Variants in EEFSEC observed in about 807,000 individuals in gnomAD.
The protein encoded by EEFSEC is eukaryotic elongation factor, selenocysteine-tRNA specific.
A neutral mutation model predicts 42.1 loss-of-function variants in EEFSEC; 43 were observed. The ratio of observed to expected loss-of-function variants is 1.02; its 90% CI spans 0.80 to 1.32. EEFSEC has a LOEUF of 1.32. EEFSEC is among the 40% of genes most tolerant of loss of function. EEFSEC has a pLI of 0.00. For missense variants in EEFSEC, 745 were observed against 803.6 expected, an observed-to-expected ratio of 0.93 and a Z score of 0.88; for synonymous variants, 354 against 339.1, an observed-to-expected ratio of 1.04 and a Z score of -0.48.
At chr3:128,200,969 G>T (rs886071689) in intron 1 of EEFSEC, among the ~76,000 whole-genome samples, 2 of 152,172 alleles carry the variant, frequency 1.3e-5, no homozygotes, top group Non-Finnish European at 2.9e-5. Flanking sequence ...TTAACTGCTG[G>T]TGATCTGTGC....
chr3:128,340,459 C>T (rs2067238329), intron 4 of EEFSEC, among the ~76,000 whole-genome samples: 1 of 150,434 alleles, frequency 6.6e-6, no homozygotes, highest in Admixed American at 6.6e-5. Flanking sequence ...TATAATTTTT[C>T]CTATATAGGT....
chr3:128,319,290 A>G (rs1291039581), intron 4 of EEFSEC, among the ~76,000 whole-genome samples: 2 of 152,220 alleles, frequency 1.3e-5, no homozygotes, highest in African/African-American at 4.8e-5. Context: ...AGCAGGCTTC[A>G]GAGGCTCTCC....
chr3:128,343,456 C>T (rs529866711), intron 5 of EEFSEC, among the ~76,000 whole-genome samples: 3 of 151,994 alleles, frequency 2.0e-5, no homozygotes, highest in South Asian at 2.1e-4. Flanking sequence ...CCCTTAGCTC[C>T]GGGGGGGCCG....
At chr3:128,336,082 T>A (rs963089130) in intron 4 of EEFSEC, among the ~76,000 whole-genome samples, 2 of 152,070 alleles carry the variant, frequency 1.3e-5, no homozygotes, top group Non-Finnish European at 2.9e-5. Context: ...GACGTCTGTG[T>A]CTCTCTGGCA....
intron 5 of EEFSEC, among the ~76,000 whole-genome samples, chr3:128,351,875 C>T (rs745724127): frequency 6.6e-6 from 1 of 152,212 alleles, no homozygotes; most frequent in Non-Finnish European, 1.5e-5. Flanking sequence ...CCCCACTTAG[C>T]GCCATTGTTG....
Position 128,317,729 on chromosome 3 carries a change from C to T in EEFSEC, c.787-23504C>T, listed in dbSNP as rs561356821. ...CCTCAGCTGCAGCCATTTGTGCTCA[C>T]GTACCATTCTCTCGCCGGCTGCTGA... On this transcript the variant is annotated intron_variant, in intron 4 of 6. Transcript: ENST00000254730. The surrounding 1 kb of genome is among the most constrained non-coding windows in gnomAD (Gnocchi z 4.1). 1.6e-4 allele frequency among the ~76,000 whole-genome samples: 25 copies of T among 152,372 alleles called. No individual in the cohort carries two copies. The highest frequency in any genetic ancestry group is 2.6e-4 in the African/African-American group (11 of 41,598).
intron 1 of EEFSEC, among the ~76,000 whole-genome samples, chr3:128,223,917 A>G (rs1471374230): frequency 6.6e-6 from 1 of 152,152 alleles, no homozygotes; most frequent in African/African-American, 2.4e-5. Context: ...CATTGTTTAA[A>G]TAGGTTGGCT....
intron 1 of EEFSEC, among the ~76,000 whole-genome samples, chr3:128,234,683 A>G (rs2065990665): frequency 6.6e-6 from 1 of 152,222 alleles, no homozygotes; most frequent in East Asian, 1.9e-4. Flanking sequence ...CCTTAGGTGG[A>G]TTGTCTAACT....
At chr3:128,411,305 G>A (rs150927752), downstream of EEFSEC, among the ~76,000 whole-genome samples, 293 of 152,342 alleles carry the variant, frequency 1.9e-3, 4 homozygotes, top group African/African-American at 6.5e-3. Flanking sequence ...CAAGCTCACT[G>A]CAGCCACCGA....
intron 4 of EEFSEC, among the ~76,000 whole-genome samples, chr3:128,327,294 C>A (rs1400051109): frequency 4.9e-5 from 5 of 102,264 alleles, no homozygotes; most frequent in Admixed American, 1.7e-4. Context: ...TTTCCCATCC[C>A]CCCCCCCCCA....
the EEFSEC span, among the ~76,000 whole-genome samples, chr3:128,417,917 A>C: frequency 1.3e-5 from 2 of 151,386 alleles, no homozygotes; most frequent in Non-Finnish European, 2.9e-5. This position sits in a 1 kb window ranked among gnomAD's most constrained non-coding sequence, Gnocchi z 4.3. Context: ...CAGCACCCCC[A>C]TTCTCAGCCC....
chr3:128,414,414 G>T, the EEFSEC span, among the ~76,000 whole-genome samples: 2 of 152,036 alleles, frequency 1.3e-5, no homozygotes, highest in South Asian at 2.1e-4. Flanking sequence ...ACCTTGAGCT[G>T]GGGGTAGAGA....
intron 4 of EEFSEC, among the ~76,000 whole-genome samples, chr3:128,332,450 A>G (rs2067144187): frequency 1.3e-5 from 2 of 152,186 alleles, no homozygotes; most frequent in Non-Finnish European, 2.9e-5. Context: ...AAAGTGCTCC[A>G]TTGAGTATTT....
At chr3:128,356,095 G>A (rs2067449995) in intron 5 of EEFSEC, among the ~76,000 whole-genome samples, 2 of 152,222 alleles carry the variant, frequency 1.3e-5, no homozygotes, top group African/African-American at 4.8e-5. Flanking sequence ...TTATTTTCCT[G>A]TAGTACATGT....
chr3:128,419,280 A>C, the EEFSEC span, among the ~76,000 whole-genome samples: 2 of 152,262 alleles, frequency 1.3e-5, no homozygotes, highest in African/African-American at 2.4e-5. Flanking sequence ...AATGTTCATC[A>C]GTAGTGGTGT....
At chr3:128,344,536 A>G (rs1161589159) in intron 5 of EEFSEC, among the ~76,000 whole-genome samples, 2 of 152,192 alleles carry the variant, frequency 1.3e-5, no homozygotes, top group Non-Finnish European at 2.9e-5. Context: ...TGACCTGCCC[A>G]AGGTCACAGG....
chr3:128,172,975 A>G (rs1037819950), intron 1 of EEFSEC, among the ~76,000 whole-genome samples: 2 of 152,254 alleles, frequency 1.3e-5, no homozygotes, highest in South Asian at 2.1e-4. Flanking sequence ...GATAGATGCC[A>G]CATAAGCTGT....
At chr3:128,166,881 C>G (rs1341364499) in intron 1 of EEFSEC, among the ~76,000 whole-genome samples, 1 of 152,072 alleles carries the variant, frequency 6.6e-6, no homozygotes, top group Non-Finnish European at 1.5e-5. Flanking sequence ...TACAGCATTC[C>G]CTCACATAGT....
downstream of EEFSEC, among the ~76,000 whole-genome samples, chr3:128,412,902 G>A (rs2068183857): frequency 6.6e-6 from 1 of 152,150 alleles, no homozygotes; most frequent in South Asian, 2.1e-4. Flanking sequence ...GAACAATGTG[G>A]CCGGACCTCG....
Sources: gnomAD v4.1 joint callset for allele counts (sites outside exome capture counted in the v4.1 genomes callset) on GRCh38, gnomAD v4.1.1 for gene constraint, Gnocchi (gnomAD v3.1) non-coding constraint, MANE v1.5 for transcripts, NCBI Gene and HGNC (gene_info 2026-07-23, HGNC 2026-07-21) for gene names.